Variants in PLPPR1 observed in about 807,000 individuals in gnomAD.
PLPPR1 encodes the protein phospholipid phosphatase related 1, also known as phospholipid phosphatase-related protein type 1.
In PLPPR1, 10 loss-of-function variants were observed where a neutral mutation model predicts 33.1. The observed-to-expected ratio is 0.30, with a 90% CI of 0.19 to 0.51. The LOEUF (loss-of-function observed/expected upper bound fraction) is 0.51. Among genes scored for constraint, PLPPR1 ranks in the 20% least tolerant of loss-of-function variants. The pLI is 0.97. For missense variants in PLPPR1, 304 were observed against 408.1 expected, an observed-to-expected ratio of 0.74 and a Z score of 2.20; for synonymous variants, 151 against 151.0, an observed-to-expected ratio of 1.00 and a Z score of 0.00.
intron 2 of PLPPR1, among the ~76,000 whole-genome samples, chr9:101,256,438 G>C (rs1222914412): frequency 6.6e-6 from 1 of 152,090 alleles, no homozygotes; most frequent in East Asian, 1.9e-4. Context: ...GAACTATCTT[G>C]TGAGGAGTTG....
chr9:101,130,994 TACAC>T (rs113733393), intron 1 of PLPPR1, among the ~76,000 whole-genome samples: 9,535 of 152,172 alleles, frequency 0.063, 968 homozygotes, highest in African/African-American at 0.22. Context: ...TAGATAAAGG[TACAC>T]ACATCACAAA....
chr9:101,269,774 A>G lies in PLPPR1; in HGVS notation c.64-106A>G, dbSNP rs566392343. ...GGCACGCACACACTCGCCAATACCA[A>G]TATCAGGAGAGCCGCTGCTGGGGTG... On this transcript the variant is annotated intron_variant, in intron 2 of 7. Coordinates refer to ENST00000374874, the MANE Select transcript of PLPPR1 (RefSeq NM_207299.2). 1.4e-5 allele frequency: 15 copies of G among 1,076,706 alleles called. No homozygotes were observed. In the South Asian group the frequency reaches 1.6e-4, roughly 11 times the overall value. 66.7% of individuals were successfully genotyped at this position (1,076,706 alleles called of 1,614,324 possible).
chr9:101,153,567 A>G (rs1402204605), intron 1 of PLPPR1, among the ~76,000 whole-genome samples: 1 of 152,012 alleles, frequency 6.6e-6, no homozygotes, highest in Non-Finnish European at 1.5e-5. Flanking sequence ...GATATGTCCC[A>G]TCAATACCTA....
intron 2 of PLPPR1, among the ~76,000 whole-genome samples, chr9:101,202,171 C>CA (rs1421884918): frequency 6.6e-6 from 1 of 152,152 alleles, no homozygotes; most frequent in East Asian, 1.9e-4. Context: ...TAAGCAATCA[C>CA]AAATTCTGTG....
chr9:101,062,962 C>T (rs1013914051), intron 1 of PLPPR1, among the ~76,000 whole-genome samples: 7 of 151,862 alleles, frequency 4.6e-5, no homozygotes, highest in Admixed American at 2.0e-4. Flanking sequence ...TTGGGAGCAG[C>T]GGGAATGGGC....
chr9:101,282,754 A>G (rs899016673), intron 3 of PLPPR1, among the ~76,000 whole-genome samples: 1 of 152,224 alleles, frequency 6.6e-6, no homozygotes, highest in African/African-American at 2.4e-5. Flanking sequence ...CTATATATTA[A>G]CTGCAAGCTA....
intron 1 of PLPPR1, among the ~76,000 whole-genome samples, chr9:101,125,281 CACTTTACGT>C (rs1239013310): frequency 2.0e-5 from 3 of 152,164 alleles, no homozygotes; most frequent in Non-Finnish European, 4.4e-5. Flanking sequence ...TATTTATCTC[CACTTTACGT>C]ACTTGTCTCT....
rs1246146266 is a variant in PLPPR1, at chr9:101,029,062, C to A, written c.-86C>A. 1 of 152,672 alleles carries A rather than the reference C, an allele frequency of 6.5e-6. No homozygotes were observed. Among genetic ancestry groups the A allele is most frequent in the Admixed American group, 6.5e-5 (1 of 15,288 alleles). 9.5% of individuals were successfully genotyped at this position (152,672 alleles called of 1,614,324 possible). A position where few individuals can be genotyped will look rare whatever the true frequency, so the allele number is the denominator to read the frequency against. ...ATGTACCTCGCTCCCGGGAGCCGGA[C>A]GGCCCAGTAGGGCGCACTGGAGGAC... is the stretch of plus-strand genomic sequence containing the variant. On this transcript the variant is annotated 5_prime_UTR_variant, in exon 1 of 8. Coordinates refer to ENST00000374874, the MANE Select transcript of PLPPR1 (RefSeq NM_207299.2).
At chr9:101,264,514 C>A (rs956435299) in intron 2 of PLPPR1, among the ~76,000 whole-genome samples, 2 of 152,190 alleles carry the variant, frequency 1.3e-5, no homozygotes, top group Non-Finnish European at 2.9e-5. Context: ...GATCAGCAGA[C>A]AACCTCCTAC....
chr9:101,169,455 A>C (rs1825907391), intron 1 of PLPPR1, among the ~76,000 whole-genome samples: 3 of 152,138 alleles, frequency 2.0e-5, no homozygotes, highest in Admixed American at 2.0e-4. Flanking sequence ...CCTACTTAGC[A>C]GTTCTCCTCG....
chr9:101,169,159 G>A (rs747509848), intron 1 of PLPPR1, among the ~76,000 whole-genome samples: 1 of 152,080 alleles, frequency 6.6e-6, no homozygotes, highest in Non-Finnish European at 1.5e-5. Context: ...CTTTCCCAAT[G>A]TCTCATCCCT....
chr9:101,119,534 A>G (rs1182076174), intron 1 of PLPPR1, among the ~76,000 whole-genome samples: 1 of 152,232 alleles, frequency 6.6e-6, no homozygotes, highest in East Asian at 1.9e-4. Flanking sequence ...GCAATCAAGA[A>G]GAACCAATAG....
At chr9:101,287,342 G>C (rs555011928) in intron 4 of PLPPR1, among the ~76,000 whole-genome samples, 1 of 152,246 alleles carries the variant, frequency 6.6e-6, no homozygotes, top group African/African-American at 2.4e-5. Flanking sequence ...CCAAACAATG[G>C]CTCCTTCCAA....
chr9:101,096,262 A>G (rs1830816195), intron 1 of PLPPR1, among the ~76,000 whole-genome samples: 1 of 152,204 alleles, frequency 6.6e-6, no homozygotes, highest in African/African-American at 2.4e-5. Context: ...AGGACCAAGT[A>G]TACCTTTCAG....
chr9:101,167,141 G>GGGGGGTGTGTGTGTGTGTGTGTGT (rs1297322438), intron 1 of PLPPR1, among the ~76,000 whole-genome samples: 1 of 39,744 alleles, frequency 2.5e-5, no homozygotes, highest in Non-Finnish European at 5.6e-5. Flanking sequence ...TATGTCTCTC[G>GGGGGGTGTGTGTGTGTGTGTGTGT]GTGTGTGTGT....
rs117762985 is a variant in PLPPR1 at position 101,160,112 on chromosome 9, C to G, written c.-45-25338C>G. On this transcript the variant is annotated intron_variant, in intron 1 of 7. Coordinates refer to ENST00000374874, the MANE Select transcript of PLPPR1 (RefSeq NM_207299.2). ...GATTTGTAAAGTGCATGCCTGGAGA[C>G]AGCTTGAGCCTCTAGAAATGAGAAG... is the stretch of plus-strand genomic sequence containing the variant. Among the ~76,000 whole-genome samples, 88 of 152,246 alleles carry G rather than the reference C, an allele frequency of 5.8e-4. 1 individual carries two copies. In the East Asian group the frequency reaches 0.014, roughly 24 times the overall value.
In PLPPR1 at chr9:101,162,757, C is replaced by T. The variant is rs929209804; in HGVS notation, c.-45-22693C>T. 2.0e-5 allele frequency among the ~76,000 whole-genome samples: 3 copies of T among 152,192 alleles called. No homozygotes were observed. The South Asian group carries it at 6.2e-4, about 31-fold the overall frequency. On this transcript the variant is annotated intron_variant, in intron 1 of 7. Transcript: ENST00000374874. The stretch of plus-strand genomic sequence containing the variant: ...AGCATTGACCCATCACGGAGCTCTA[C>T]ATGCTGGGTTTTTATGTTCTTGGTT...
At chr9:101,122,258 C>A (rs1013739417) in intron 1 of PLPPR1, among the ~76,000 whole-genome samples, 1 of 152,192 alleles carries the variant, frequency 6.6e-6, no homozygotes, top group African/African-American at 2.4e-5. Flanking sequence ...TGTCATACAT[C>A]ATAAAGATAT....
At chr9:101,312,697 C>A in intron 5 of PLPPR1, 101 bp from the exon 6 acceptor site, 2 of 864,382 alleles carry the variant, frequency 2.3e-6, no homozygotes, top group Non-Finnish European at 3.6e-6. Context: ...TTGACACAAG[C>A]CCCTGCTTGT....
Sources: allele counts gnomAD v4.1 joint callset (sites outside exome capture counted in the v4.1 genomes callset), GRCh38; gene constraint gnomAD v4.1.1; transcripts MANE v1.5; gene names NCBI Gene and HGNC (gene_info 2026-07-23, HGNC 2026-07-21).